The following OR2L13 variants were observed in gnomAD, a reference collection of about 807,000 sequenced individuals.
OR2L13 encodes olfactory receptor family 2 subfamily L member 13.
OR2L13 carries 14 observed loss-of-function variants against 15.3 expected under a neutral mutation model. The observed-to-expected ratio is 0.91, with a 90% CI of 0.60 to 1.43. The LOEUF is 1.43. Among genes scored for constraint, OR2L13 ranks in the 40% most tolerant of loss-of-function variants. OR2L13 has a pLI of 0.00. For missense variants in OR2L13, 367 were observed against 387.9 expected (o/e 0.95, Z 0.45); for synonymous variants, 152 against 142.9 (o/e 1.06, Z -0.45).
chr1:248,006,670 G>T, the OR2L13 span, among the ~76,000 whole-genome samples: 1 of 152,204 alleles, frequency 6.6e-6, no homozygotes, highest in African/African-American at 2.4e-5. Flanking sequence ...ATTAGGAGTT[G>T]GGGCCTTTTG....
the OR2L13 span, among the ~76,000 whole-genome samples, chr1:248,052,787 A>G: frequency 6.6e-6 from 1 of 152,096 alleles, no homozygotes; most frequent in Admixed American, 6.6e-5. Context: ...TTTTCCAAAA[A>G]AGTCAAGATT....
At chr1:248,028,718 A>G in the OR2L13 span, among the ~76,000 whole-genome samples, 6 of 152,348 alleles carry the variant, frequency 3.9e-5, no homozygotes, top group East Asian at 1.2e-3. Context: ...TATGTATTTC[A>G]GGAATAAGTT....
rs148721963 is a variant in OR2L13 at position 248,099,722 on chromosome 1, C to G, written c.347C>G (p.Ser116Cys). ...TGTTCTGAAGGCTTACTCCTGACCT[C>G]CATGGCCTACGACCGTTATTTGGCC... The change falls in exon 3 of 3, where the codon TCC (serine) becomes TGC (cysteine). Residue 116 changes from serine to cysteine, a missense_variant. By Grantham distance (112) the Ser-to-Cys change is moderately radical. Coordinates refer to ENST00000641714, the Ensembl canonical transcript of OR2L13. 526 of 1,613,996 alleles carry G rather than the reference C, an allele frequency of 3.3e-4. 1 individual carries two copies. The highest frequency in any genetic ancestry group is 4.3e-4 in the Non-Finnish European group (506 of 1,180,018).
the OR2L13 span, among the ~76,000 whole-genome samples, chr1:248,046,583 A>G: frequency 1.3e-5 from 2 of 152,192 alleles, no homozygotes; most frequent in African/African-American, 4.8e-5. Context: ...TCATATCTGA[A>G]CCTTGGACTA....
chr1:247,990,657 CTA>C, the OR2L13 span: 2 of 1,527,422 alleles, frequency 1.3e-6, no homozygotes, highest in South Asian at 2.2e-5. Context: ...TTCCTCTCCA[CTA>C]TCCCATCCGT....
the OR2L13 span, among the ~76,000 whole-genome samples, chr1:247,987,627 A>C: frequency 1.6e-4 from 25 of 152,270 alleles, no homozygotes; most frequent in East Asian, 7.7e-4. Context: ...CCCAAAGATA[A>C]GGACTTCAAA....
the OR2L13 span, among the ~76,000 whole-genome samples, chr1:247,987,725 C>G: frequency 6.6e-6 from 1 of 152,042 alleles, no homozygotes; most frequent in Admixed American, 6.6e-5. Flanking sequence ...ATCTCAAATA[C>G]CAGCCCTTGA....
the OR2L13 span, among the ~76,000 whole-genome samples, chr1:248,050,843 G>A: frequency 2.0e-5 from 3 of 151,984 alleles, no homozygotes; most frequent in East Asian, 5.8e-4. Flanking sequence ...ATGAAAATTT[G>A]CTCTTCTAAA....
At chr1:248,100,210 A>G (rs1194265639) in exon 3 of OR2L13, 2 of 1,613,448 alleles carry the variant, frequency 1.2e-6, no homozygotes, top group East Asian at 2.2e-5. Context: ...CTTCTACACC[A>G]TCCTTACCCC....
the OR2L13 span, among the ~76,000 whole-genome samples, chr1:248,007,143 C>T: frequency 3.3e-5 from 5 of 152,220 alleles, no homozygotes; most frequent in South Asian, 2.1e-4. Context: ...ACCATGGCCT[C>T]GGGGAAATCA....
At chr1:247,947,406 A>G in the OR2L13 span, among the ~76,000 whole-genome samples, 3 of 152,310 alleles carry the variant, frequency 2.0e-5, no homozygotes, top group African/African-American at 7.2e-5. Flanking sequence ...CTTTGGCTCT[A>G]GACTAATATT....
At chr1:248,054,668 G>A in the OR2L13 span, among the ~76,000 whole-genome samples, 8 of 152,058 alleles carry the variant, frequency 5.3e-5, no homozygotes, top group Non-Finnish European at 1.0e-4. Context: ...TCCCTTATTA[G>A]CTGTATTCCC....
the OR2L13 span, chr1:248,083,949 T>C: frequency 1.8e-5 from 29 of 1,611,460 alleles, no homozygotes; most frequent in African/African-American, 3.5e-4. Flanking sequence ...GATGAGACCA[T>C]AGGAGGACAG....
chr1:247,973,706 T>A, the OR2L13 span, among the ~76,000 whole-genome samples: 6 of 152,140 alleles, frequency 3.9e-5, no homozygotes, highest in Non-Finnish European at 8.8e-5. Flanking sequence ...ATTAGAGAAA[T>A]GCAAATCAAA....
the OR2L13 span, chr1:248,002,994 T>C: frequency 1.7e-6 from 1 of 602,288 alleles, no homozygotes; most frequent in Non-Finnish European, 3.0e-6. Context: ...TTTTCTTTGG[T>C]TGGTAGGCTA....
chr1:248,058,167 C>G, the OR2L13 span, among the ~76,000 whole-genome samples: 1 of 152,152 alleles, frequency 6.6e-6, no homozygotes, highest in Non-Finnish European at 1.5e-5. Context: ...TAGACATGGT[C>G]TCAGCAGACC....
the OR2L13 span, chr1:248,084,679 C>T: frequency 6.7e-7 from 1 of 1,496,866 alleles, no homozygotes; most frequent in Non-Finnish European, 8.9e-7. Flanking sequence ...TAACTTCCCT[C>T]TTTTTTTTCA....
the OR2L13 span, chr1:247,966,479 ATCTGTGT>A: frequency 1.3e-6 from 1 of 788,046 alleles, no homozygotes; most frequent in East Asian, 2.9e-5. Context: ...GGCTTCTTAA[ATCTGTGT>A]TCCCCTGGCA....
At chr1:248,077,591 T>C in the OR2L13 span, among the ~76,000 whole-genome samples, 1 of 152,202 alleles carries the variant, frequency 6.6e-6, no homozygotes, top group Non-Finnish European at 1.5e-5. Context: ...TGTCCAGGAA[T>C]TTATCCATTT....
Sources: allele counts gnomAD v4.1 joint callset (sites outside exome capture counted in the v4.1 genomes callset), GRCh38; gene constraint gnomAD v4.1.1; transcripts MANE v1.5; gene names NCBI Gene and HGNC (gene_info 2026-07-23, HGNC 2026-07-21).